FGF12: variants seen among roughly 807,000 people sequenced by gnomAD.
FGF12 encodes the protein fibroblast growth factor 12B.
In FGF12, 14 loss-of-function variants were observed where a neutral mutation model predicts 23.6. That is an observed-to-expected ratio of 0.59 (90% CI 0.39 to 0.93). The LOEUF is 0.93. Ranked by LOEUF, FGF12 falls within the 40% of genes least tolerant of loss-of-function variation. FGF12 has a pLI of 0.00. For missense variants in FGF12, 175 were observed against 217.8 expected (o/e 0.80, Z 1.24); for synonymous variants, 62 against 77.3 (o/e 0.80, Z 1.04).
intron 2 of FGF12, among the ~76,000 whole-genome samples, chr3:192,496,583 C>A (rs983799774): frequency 6.6e-6 from 1 of 152,178 alleles, no homozygotes; most frequent in Admixed American, 6.5e-5. Flanking sequence ...CACAACTTCA[C>A]TGCAAAACTC....
chr3:192,387,982 C>T (rs188866396), intron 2 of FGF12, among the ~76,000 whole-genome samples: 43 of 152,118 alleles, frequency 2.8e-4, no homozygotes, highest in Non-Finnish European at 4.6e-4. Flanking sequence ...TACATAAGGC[C>T]GGAGGGGTGT....
At chr3:192,383,815 T>G (rs1047836306) in intron 2 of FGF12, among the ~76,000 whole-genome samples, 2 of 152,138 alleles carry the variant, frequency 1.3e-5, no homozygotes, top group African/African-American at 4.8e-5. Flanking sequence ...TAGGATATTT[T>G]CAGTTGGAGG....
chr3:192,588,297 C>G (rs375020577), intron 2 of FGF12, among the ~76,000 whole-genome samples: 2 of 140,504 alleles, frequency 1.4e-5, no homozygotes, highest in African/African-American at 5.2e-5. Flanking sequence ...TTGCAGTGAG[C>G]CGAGATCGCG....
intron 4 of FGF12, among the ~76,000 whole-genome samples, chr3:192,313,131 T>A (rs1174961168): frequency 6.6e-6 from 1 of 152,206 alleles, no homozygotes; most frequent in African/African-American, 2.4e-5. Flanking sequence ...TTTCATTCTT[T>A]CATAGCACTA....
At chr3:192,537,477 T>A (rs1725251205) in intron 2 of FGF12, among the ~76,000 whole-genome samples, 1 of 152,198 alleles carries the variant, frequency 6.6e-6, no homozygotes, top group Admixed American at 6.5e-5. Context: ...ATTTCCTGTC[T>A]TTTGGATAAA....
intron 4 of FGF12, among the ~76,000 whole-genome samples, chr3:192,221,367 G>A (rs1013125044): frequency 6.6e-5 from 10 of 152,086 alleles, no homozygotes; most frequent in Non-Finnish European, 1.0e-4. Context: ...ATGGAAAAAT[G>A]GTAACTAGGT....
chr3:192,169,919 A>T (rs929995337), intron 5 of FGF12, among the ~76,000 whole-genome samples: 8 of 150,978 alleles, frequency 5.3e-5, no homozygotes, highest in African/African-American at 2.0e-4. Context: ...AGAAAAGGTT[A>T]TAGGCTCACC....
intron 4 of FGF12, among the ~76,000 whole-genome samples, chr3:192,193,644 C>G (rs1383034752): frequency 6.6e-6 from 1 of 152,168 alleles, no homozygotes; most frequent in Non-Finnish European, 1.5e-5. Context: ...TCTATAGTCT[C>G]ACCCTATGTC....
In FGF12 at chr3:192,244,369, A is replaced by C. The variant is rs184033502; in HGVS notation, c.229-73713T>G. ...ACCACATAGCTTTTAAAAAATACAG[A>C]AACTCCCTGTGTACTGATTCGGAAT... On this transcript the variant is annotated intron_variant, in intron 4 of 5. Coordinates refer to ENST00000445105, the MANE Select transcript of FGF12 (RefSeq NM_004113.6). Among the ~76,000 whole-genome samples, 11 of 152,282 alleles carry C rather than the reference A, an allele frequency of 7.2e-5. No individual in the cohort carries two copies. The East Asian group carries it at 2.1e-3, about 29-fold the overall frequency.
At chr3:192,723,509 T>C (rs1719103985) in intron 2 of FGF12, among the ~76,000 whole-genome samples, 1 of 152,120 alleles carries the variant, frequency 6.6e-6, no homozygotes, top group Admixed American at 6.5e-5. Flanking sequence ...AATCCAGATT[T>C]GATTTGGTAG....
chr3:192,219,681 A>G (rs1718375380), intron 4 of FGF12, among the ~76,000 whole-genome samples: 2 of 152,188 alleles, frequency 1.3e-5, no homozygotes, highest in African/African-American at 4.8e-5. Context: ...CAAGACCTAC[A>G]CGATCAGAAA....
chr3:192,725,982 T>A (rs1175248445), intron 2 of FGF12, among the ~76,000 whole-genome samples: 1 of 152,226 alleles, frequency 6.6e-6, no homozygotes, highest in Non-Finnish European at 1.5e-5. Flanking sequence ...GAAAATTGCC[T>A]GCTAGTCTTA....
chr3:192,705,708 C>T (rs556046349), intron 2 of FGF12, among the ~76,000 whole-genome samples: 16 of 152,264 alleles, frequency 1.1e-4, no homozygotes, highest in African/African-American at 3.1e-4. Flanking sequence ...GAAGTGAGCA[C>T]GTGCTTTAGA....
chr3:192,590,556 C>T (rs897372287), intron 2 of FGF12, among the ~76,000 whole-genome samples: 2 of 151,842 alleles, frequency 1.3e-5, no homozygotes, highest in East Asian at 1.9e-4. Context: ...TATTCTGAAT[C>T]AAAAACCCCA....
intron 4 of FGF12, among the ~76,000 whole-genome samples, chr3:192,203,902 C>A (rs1276331420): frequency 6.6e-6 from 1 of 152,050 alleles, no homozygotes; most frequent in Non-Finnish European, 1.5e-5. Context: ...CCATGCCCAG[C>A]AATTTACTTT....
chr3:192,505,443 C>A (rs2108835933), intron 2 of FGF12, among the ~76,000 whole-genome samples: 1 of 152,118 alleles, frequency 6.6e-6, no homozygotes, highest in Admixed American at 6.5e-5. Context: ...TGTTTAGTCC[C>A]ATAGAAAGGA....
In FGF12 at chr3:192,369,121, C is replaced by T. The variant is rs567331890; in HGVS notation, c.14-8583G>A. On this transcript the variant is annotated intron_variant, in intron 2 of 5. Coordinates refer to ENST00000445105, the MANE Select transcript of FGF12 (RefSeq NM_004113.6). Reference sequence around the variant, plus strand: ...ACTATGAACCTCTCAGGGCAGAGACCTTATTCATCAACTCTATCCCAGCAC... The same window carrying T: ...ACTATGAACCTCTCAGGGCAGAGACTTTATTCATCAACTCTATCCCAGCAC... Among the ~76,000 whole-genome samples, 28 of 152,268 alleles carry T rather than the reference C, an allele frequency of 1.8e-4. No homozygotes were observed. In the East Asian group the frequency reaches 3.9e-3, roughly 21 times the overall value.
At chr3:192,676,338 A>G (rs2108701363) in intron 2 of FGF12, among the ~76,000 whole-genome samples, 1 of 152,302 alleles carries the variant, frequency 6.6e-6, no homozygotes, top group Non-Finnish European at 1.5e-5. Flanking sequence ...GAGTTGAATG[A>G]AATCTAAGAG....
At chr3:192,170,049 T>C (rs1429544860) in intron 5 of FGF12, among the ~76,000 whole-genome samples, 1 of 146,652 alleles carries the variant, frequency 6.8e-6, no homozygotes, top group Non-Finnish European at 1.5e-5. Context: ...AGATAGTAAC[T>C]ACCACTTCTT....
Sources: gnomAD v4.1 joint callset for allele counts (sites outside exome capture counted in the v4.1 genomes callset) on GRCh38, gnomAD v4.1.1 for gene constraint, MANE v1.5 for transcripts, NCBI Gene and HGNC (gene_info 2026-07-23, HGNC 2026-07-21) for gene names.